Variants in UGT1A9 observed in about 807,000 individuals in gnomAD.
UGT1A9 encodes UDP-glucuronosyltransferase 1A9.
Under a neutral mutation model 45.0 loss-of-function variants are expected in UGT1A9, and 35 were observed. The observed-to-expected ratio is 0.78, with a 90% CI of 0.59 to 1.03. UGT1A9 has a LOEUF of 1.03. UGT1A9 is among the 50% of genes least tolerant of loss of function. The pLI is 0.00. For missense variants in UGT1A9, 687 were observed against 666.6 expected (o/e 1.03, Z -0.34); for synonymous variants, 278 against 250.6 (o/e 1.11, Z -1.03).
intron 1 of UGT1A9, among the ~76,000 whole-genome samples, chr2:233,757,366 A>G (rs1696506551): frequency 6.6e-6 from 1 of 151,072 alleles, no homozygotes; most frequent in Admixed American, 6.6e-5. Flanking sequence ...AGTGGTAGAA[A>G]CATCCAGATT....
intron 1 of UGT1A9, chr2:233,713,171 C>G (rs1260839534): frequency 1.2e-6 from 2 of 1,614,088 alleles, no homozygotes; most frequent in Non-Finnish European, 8.5e-7. Flanking sequence ...AGGTGGTGGT[C>G]CTCACCCTGG....
At position 233,713,302 on chromosome 2, in the gene UGT1A9, A is replaced by G. The variant is rs750198016; in HGVS notation, c.855+40513A>G. The G allele has an allele frequency of 6.2e-6, 10 of 1,614,126 alleles. No individual in the cohort carries two copies. In the Admixed American group the frequency reaches 1.7e-4, roughly 27 times the overall value. The stretch of plus-strand genomic sequence containing the variant: ...CACACTCAATCGTTCTTTGAAACAG[A>G]ACATCTTCTGATGAAATTTTCTAGA... On this transcript the variant is annotated intron_variant, in intron 1 of 4. Transcript: ENST00000354728.
chr2:233,719,681 A>G (rs1559365276), intron 1 of UGT1A9: 10 of 1,614,106 alleles, frequency 6.2e-6, no homozygotes, highest in Non-Finnish European at 8.5e-6. Context: ...GGAAGCCACT[A>G]TCTCAGGTCT....
rs762018928 is a variant in UGT1A9 at position 233,757,539 on chromosome 2, T to TATATACATATAC, written c.856-9490_856-9489insCATATACATATA. 2.5e-3 allele frequency among the ~76,000 whole-genome samples: 287 copies of TATATACATATAC among 115,694 alleles called. 10 individuals are homozygous for TATATACATATAC. The highest frequency in any genetic ancestry group is 0.013 in the Admixed American group (155 of 12,116). 75.9% of individuals were successfully genotyped at this position (115,694 alleles called of 152,430 possible). ...GCCAAAATCTTGCCTGTAAGGAATA[T>TATATACATATAC]ATATATATATATATATATATATGTA... On this transcript the variant is annotated intron_variant, in intron 1 of 4. Coordinates refer to ENST00000354728, the MANE Select transcript of UGT1A9 (RefSeq NM_021027.3).
intron 1 of UGT1A9, among the ~76,000 whole-genome samples, chr2:233,728,608 G>A (rs535590480): frequency 1.3e-5 from 2 of 152,290 alleles, no homozygotes; most frequent in South Asian, 4.2e-4. Context: ...CAGCCTCCAC[G>A]CTGTTCAGAG....
intron 1 of UGT1A9, among the ~76,000 whole-genome samples, chr2:233,709,348 T>A (rs1575490597): frequency 1.3e-5 from 2 of 152,346 alleles, no homozygotes; most frequent in South Asian, 2.1e-4. Flanking sequence ...ATAAACCTAT[T>A]ACTATATAGA....
At chr2:233,697,108 G>A (rs1275365207) in intron 1 of UGT1A9, among the ~76,000 whole-genome samples, 1 of 152,040 alleles carries the variant, frequency 6.6e-6, no homozygotes, top group African/African-American at 2.4e-5. Context: ...GAGTTTGGAA[G>A]TATTCTCTCC....
At chr2:233,755,143 C>T (rs1695780518) in intron 1 of UGT1A9, 3 of 1,305,190 alleles carry the variant, frequency 2.3e-6, no homozygotes, top group Non-Finnish European at 3.1e-6. Context: ...AATCTTCTCA[C>T]CGCTTCCTCC....
In UGT1A9 at chr2:233,683,386, T is replaced by C. The variant is rs1016701211; in HGVS notation, c.855+10597T>C. Among the ~76,000 whole-genome samples, 8 of 152,198 alleles carry C rather than the reference T, an allele frequency of 5.3e-5. No individual in the cohort carries two copies. The South Asian group carries it at 8.3e-4, about 16-fold the overall frequency. Reference sequence around the variant, plus strand: ...AATGTAGTTTTCCAACCAATTAAGATTGATAGAGATTTAAGTGTTTTCCAC... The same window carrying C: ...AATGTAGTTTTCCAACCAATTAAGACTGATAGAGATTTAAGTGTTTTCCAC... On this transcript the variant is annotated intron_variant, in intron 1 of 4. Coordinates refer to ENST00000354728, the MANE Select transcript of UGT1A9 (RefSeq NM_021027.3).
intron 1 of UGT1A9, among the ~76,000 whole-genome samples, chr2:233,766,662 C>T (rs911110190): frequency 3.9e-5 from 6 of 152,180 alleles, no homozygotes; most frequent in Non-Finnish European, 8.8e-5. Flanking sequence ...GGACCACGCC[C>T]TTCCCAGCTC....
At chr2:233,765,117 T>C (rs1698755913) in intron 1 of UGT1A9, among the ~76,000 whole-genome samples, 1 of 152,162 alleles carries the variant, frequency 6.6e-6, no homozygotes, top group Admixed American at 6.5e-5. Flanking sequence ...CTCAGGACTG[T>C]TCAGGTTTTA....
At chr2:233,706,032 T>G (rs887467227) in intron 1 of UGT1A9, among the ~76,000 whole-genome samples, 4 of 152,014 alleles carry the variant, frequency 2.6e-5, no homozygotes, top group African/African-American at 4.8e-5. Flanking sequence ...GAGGCAGAGG[T>G]TGCAGTGAGC....
intron 1 of UGT1A9, chr2:233,747,760 A>G: frequency 6.2e-7 from 1 of 1,613,440 alleles, no homozygotes; most frequent in South Asian, 1.1e-5. Context: ...TTAGACTTTA[A>G]GGGCACACAG....
intron 1 of UGT1A9, among the ~76,000 whole-genome samples, chr2:233,676,122 AC>A (rs2074347004): frequency 6.6e-6 from 1 of 152,180 alleles, no homozygotes; most frequent in Admixed American, 6.5e-5. Context: ...CAGAAGACCC[AC>A]CCTGGGGTCC....
chr2:233,718,670 T>C (rs1422403188), intron 1 of UGT1A9: 2 of 1,550,504 alleles, frequency 1.3e-6, no homozygotes, highest in Non-Finnish European at 1.7e-6. Flanking sequence ...TATAGATTAA[T>C]GGGTAATAAG....
At chr2:233,678,492 TTA>T (rs2074418738) in intron 1 of UGT1A9, among the ~76,000 whole-genome samples, 1 of 152,138 alleles carries the variant, frequency 6.6e-6, no homozygotes, top group African/African-American at 2.4e-5. Context: ...TGGTGTAACC[TTA>T]TGGAAATACA....
chr2:233,772,087 C>T (rs958943778), intron 4 of UGT1A9, among the ~76,000 whole-genome samples, 175 bp from the exon 5 acceptor site: 4 of 152,100 alleles, frequency 2.6e-5, no homozygotes, highest in African/African-American at 4.8e-5. Flanking sequence ...CACTCCAGCC[C>T]GGGCAACAGG....
At chr2:233,746,870 G>A (rs544593514) in intron 1 of UGT1A9, among the ~76,000 whole-genome samples, 2 of 151,670 alleles carry the variant, frequency 1.3e-5, no homozygotes, top group African/African-American at 4.9e-5. Flanking sequence ...CCTGATAAAC[G>A]TGGTTAACAG....
At chr2:233,737,753 A>G (rs151132399) in intron 1 of UGT1A9, among the ~76,000 whole-genome samples, 3 of 151,992 alleles carry the variant, frequency 2.0e-5, no homozygotes, top group East Asian at 1.9e-4. Context: ...CAGTTTTTCA[A>G]TGTGAACATA....
Sources: gnomAD v4.1 joint callset for allele counts (sites outside exome capture counted in the v4.1 genomes callset) on GRCh38, gnomAD v4.1.1 for gene constraint, MANE v1.5 for transcripts, NCBI Gene and HGNC (gene_info 2026-07-23, HGNC 2026-07-21) for gene names.